The following TTC19 variants were observed in gnomAD, a reference collection of about 807,000 sequenced individuals.
The protein encoded by TTC19 is tetratricopeptide repeat domain 19, also known as tetratricopeptide repeat protein 19, mitochondrial.
A neutral mutation model predicts 49.5 loss-of-function variants in TTC19; 38 were observed. The observed-to-expected ratio is 0.77, with a 90% CI of 0.59 to 1.01. The LOEUF is 1.01. TTC19 is among the 50% of genes least tolerant of loss of function. TTC19 has a pLI of 0.00. For synonymous variants in TTC19, 204 were observed against 185.2 expected, an observed-to-expected ratio of 1.10 and a Z score of -0.83; for missense variants, 475 against 477.7, an observed-to-expected ratio of 0.99 and a Z score of 0.05.
chr17:16,043,908 G>A (rs1332411638), intron 2 of TTC19, among the ~76,000 whole-genome samples: 1 of 152,114 alleles, frequency 6.6e-6, no homozygotes, highest in African/African-American at 2.4e-5. Flanking sequence ...AGTGGTTCAC[G>A]CCTGTAATCC....
At chr17:16,039,560 A>T (rs1395725608) in intron 2 of TTC19, 1 of 1,614,146 alleles carries the variant, frequency 6.2e-7, no homozygotes, top group Non-Finnish European at 8.5e-7. Context: ...CAACTTTGTC[A>T]TCAAAGCTTC....
At chr17:16,001,847 A>G (rs1970745821) in intron 2 of TTC19, 68 bp from the exon 3 acceptor site, 1 of 1,059,034 alleles carries the variant, frequency 9.4e-7, no homozygotes, top group Non-Finnish European at 1.5e-6. Flanking sequence ...AGTTGCATAC[A>G]CTTCTGTCTC....
In TTC19 at chr17:16,042,408, TGATAATCCTTAGATACTGCACTTGCAG is replaced by T. The variant is rs561781812; in HGVS notation, c.248-2089_248-2063del. Among the ~76,000 whole-genome samples, 44 of 152,348 alleles carry T rather than the reference TGATAATCCTTAGATACTGCACTTGCAG, an allele frequency of 2.9e-4. No homozygotes were observed. In the South Asian group the frequency reaches 8.3e-3, roughly 29 times the overall value. On this transcript the variant is annotated intron_variant, in intron 2 of 2. Coordinates refer to the TTC19 transcript ENST00000470649. The stretch of plus-strand genomic sequence containing the variant: ...AGACAATTTCCTATAAGTTAACCAA[TGATAATCCTTAGATACTGCACTTGCAG>T]GATAACCCTTCCTTTGCTAATGGAG...
intron 4 of TTC19, among the ~76,000 whole-genome samples, chr17:16,003,189 C>T (rs182901209): frequency 6.6e-6 from 1 of 152,244 alleles, no homozygotes; most frequent in African/African-American, 2.4e-5. Context: ...CTGCCTGCAT[C>T]CCTTGGCCTA....
rs995838351 is a variant in TTC19, at chr17:16,003,946, T to C, written c.519+59T>C. On this transcript the variant is annotated intron_variant, in intron 5 of 9. Coordinates refer to ENST00000261647, the MANE Select transcript of TTC19 (RefSeq NM_017775.4). The stretch of plus-strand genomic sequence containing the variant: ...AAGCAGTTTTCAAAACAGTCTTGTC[T>C]CCTGAAAACTCCTCCTAGCCCCACC... 1.2e-5 allele frequency: 19 copies of C among 1,543,972 alleles called. No homozygotes were observed. In the African/African-American group the frequency reaches 2.6e-4, roughly 21 times the overall value.
At chr17:16,017,955 C>T (rs1312642228) in intron 7 of TTC19, among the ~76,000 whole-genome samples, 2 of 151,992 alleles carry the variant, frequency 1.3e-5, no homozygotes, top group Admixed American at 6.6e-5. Flanking sequence ...TAAGGAGTAA[C>T]CTAAACATTT....
intron 2 of TTC19, among the ~76,000 whole-genome samples, chr17:16,043,810 T>C (rs2058164147): frequency 6.6e-6 from 1 of 152,140 alleles, no homozygotes; most frequent in African/African-American, 2.4e-5. Flanking sequence ...TGGTGACACT[T>C]GAGGAGCTGT....
intron 2 of TTC19, among the ~76,000 whole-genome samples, chr17:16,042,814 T>TA (rs1192093176): frequency 6.6e-6 from 1 of 152,134 alleles, no homozygotes; most frequent in Non-Finnish European, 1.5e-5. Flanking sequence ...TTTAGATATT[T>TA]AAGGAGCCAG....
At chr17:16,030,211 T>C, downstream of TTC19, 1 of 227,546 alleles carries the variant, frequency 4.4e-6, no homozygotes, top group Non-Finnish European at 8.6e-6. Flanking sequence ...ATTCATTAAG[T>C]GGAAGTGGAT....
At chr17:16,042,294 C>T (rs3785632) in intron 2 of TTC19, among the ~76,000 whole-genome samples, 106,516 of 152,114 alleles carry the variant, frequency 0.7, 39,037 homozygotes, top group African/African-American at 0.92. Context: ...GTGTGTGGAA[C>T]AGGAGTCATT....
At chr17:16,015,956 G>A (rs910815705) in intron 7 of TTC19, among the ~76,000 whole-genome samples, 2 of 151,898 alleles carry the variant, frequency 1.3e-5, no homozygotes, top group African/African-American at 4.8e-5. Flanking sequence ...TGTTAATTTT[G>A]TTTATTCATT....
At chr17:16,040,576 A>G in intron 2 of TTC19, 4 of 1,136,638 alleles carry the variant, frequency 3.5e-6, no homozygotes, top group Non-Finnish European at 5.1e-6. Context: ...TTCCTATAAT[A>G]AAATTAATCT....
chr17:16,039,615 G>T, intron 2 of TTC19: 1 of 1,614,022 alleles, frequency 6.2e-7, no homozygotes, highest in Non-Finnish European at 8.5e-7. Context: ...AAGATTACTG[G>T]CAGGATCAGC....
At position 16,040,010 on chromosome 17, in the gene TTC19, G is replaced by A. The variant is rs111595872; in HGVS notation, c.248-4493G>A. On this transcript the variant is annotated intron_variant, in intron 2 of 2. Coordinates refer to the TTC19 transcript ENST00000470649. ...TCACCATATTGGTCAGGCTGATCTCGAATTCCGAACCTCAGGTGATCCGCC... is the reference window on the plus strand; with the variant it reads ...TCACCATATTGGTCAGGCTGATCTCAAATTCCGAACCTCAGGTGATCCGCC... 4.9e-3 allele frequency: 1,917 copies of A among 390,500 alleles called. 22 individuals carry two copies. The highest frequency in any genetic ancestry group is 0.029 in the African/African-American group (1,408 of 47,880). The allele number at this position is 390,500 out of a possible 1,614,324, so 24.2% of individuals were successfully genotyped here.
At chr17:16,041,723 A>C (rs1231532082) in intron 2 of TTC19, among the ~76,000 whole-genome samples, 1 of 151,220 alleles carries the variant, frequency 6.6e-6, no homozygotes, top group Admixed American at 6.6e-5. Context: ...CCAGAATGTG[A>C]AATTAATTAA....
intron 7 of TTC19, among the ~76,000 whole-genome samples, chr17:16,010,503 C>T (rs1281169890): frequency 2.0e-5 from 3 of 149,424 alleles, no homozygotes; most frequent in African/African-American, 7.4e-5. Context: ...GAGACAGAGT[C>T]CCGCTCTGTC....
At chr17:16,032,596 C>A, downstream of TTC19, 1 of 1,001,224 alleles carries the variant, frequency 1.0e-6, no homozygotes, top group Non-Finnish European at 1.4e-6. Flanking sequence ...TCATGTGACA[C>A]CATGAAAGCA....
intron 7 of TTC19, among the ~76,000 whole-genome samples, chr17:16,010,920 TTA>T (rs1326310549): frequency 6.6e-6 from 1 of 152,248 alleles, no homozygotes; most frequent in Non-Finnish European, 1.5e-5. Context: ...TGTGTCTACA[TTA>T]TGAGTGTATG....
intron 2 of TTC19, 172 bp downstream of exon 2, chr17:16,000,417 G>T: frequency 5.5e-6 from 8 of 1,464,658 alleles, no homozygotes; most frequent in Non-Finnish European, 4.5e-6. Flanking sequence ...AATCCATCCA[G>T]GCTTTTCCGA....
Sources: gnomAD v4.1 joint callset for allele counts (sites outside exome capture counted in the v4.1 genomes callset) on GRCh38, gnomAD v4.1.1 for gene constraint, MANE v1.5 for transcripts, NCBI Gene and HGNC (gene_info 2026-07-23, HGNC 2026-07-21) for gene names.